The following ZNF469 variants were observed in gnomAD, a reference collection of about 807,000 sequenced individuals.
ZNF469 encodes zinc finger protein 469.
A neutral mutation model predicts 1.0 loss-of-function variants in ZNF469; 1 was observed. The observed-to-expected ratio is 1.00, with a 90% CI of 0.35 to 4.73. ZNF469 has a LOEUF of 4.73. Among genes scored for constraint, ZNF469 ranks in the 30% most tolerant of loss-of-function variants. The pLI is 0.16. For synonymous variants in ZNF469, 2,703 were observed against 2,363.4 expected (o/e 1.14, Z -4.17); for missense variants, 6,100 against 5,356.3 (o/e 1.14, Z -4.33).
At chr16:88,247,352 ATGAG>A in the ZNF469 span, among the ~76,000 whole-genome samples, 5 of 121,426 alleles carry the variant, frequency 4.1e-5, no homozygotes, top group South Asian at 3.1e-4. Context: ...GAGTGAGTGA[ATGAG>A]TGAGTGAATG....
the ZNF469 span, among the ~76,000 whole-genome samples, chr16:88,131,633 T>C: frequency 6.6e-6 from 1 of 152,238 alleles, no homozygotes; most frequent in South Asian, 2.1e-4. Flanking sequence ...TTGGGCATCC[T>C]GTGAGGCGAG....
chr16:88,376,320 C>T, the ZNF469 span, among the ~76,000 whole-genome samples: 4 of 152,364 alleles, frequency 2.6e-5, no homozygotes, highest in East Asian at 5.8e-4. Flanking sequence ...AGGACAGTGG[C>T]GATTCGGACT....
In ZNF469 at chr16:88,439,286, G is replaced by T; in HGVS notation, c.11816G>T (p.Arg3939Ile). ...CTCCTCAGCCAGCTCTTCGGGCAGA[G>T]ACTAACTGGCTTCAAAATCCCTTTA... ...SDLLSQLFGQ[R>I]LTGFKIPLKK... Residue 3939 changes from arginine (R) to isoleucine (I), a missense_variant, in exon 3 of 3, where the codon AGA becomes ATA. Arg to Ile is a moderately conservative substitution (Grantham distance 97). Coordinates refer to ENST00000565624, the MANE Select transcript of ZNF469 (RefSeq NM_001367624.2). 1.3e-6 allele frequency: 2 copies of T among 1,550,460 alleles called. No homozygotes were observed. Among genetic ancestry groups the T allele is most frequent in the Non-Finnish European group, 1.7e-6 (2 of 1,147,006 alleles).
chr16:88,254,541 C>T, the ZNF469 span, among the ~76,000 whole-genome samples: 3 of 152,136 alleles, frequency 2.0e-5, no homozygotes, highest in East Asian at 1.9e-4. Flanking sequence ...GCAGATCACT[C>T]GAGGTCAGGA....
At chr16:88,256,480 A>T in the ZNF469 span, among the ~76,000 whole-genome samples, 1 of 152,334 alleles carries the variant, frequency 6.6e-6, no homozygotes, top group South Asian at 2.1e-4. Flanking sequence ...GTGCTCCCAC[A>T]TTTTGGCCAC....
the ZNF469 span, among the ~76,000 whole-genome samples, chr16:88,224,070 G>A: frequency 7.9e-5 from 12 of 152,318 alleles, no homozygotes; most frequent in South Asian, 2.5e-3. Flanking sequence ...TTGAAAATAA[G>A]ATAAAATAAA....
the ZNF469 span, among the ~76,000 whole-genome samples, chr16:88,239,900 T>A: frequency 6.8e-6 from 1 of 147,280 alleles, no homozygotes; most frequent in East Asian, 2.0e-4. Context: ...TTATCTTGCA[T>A]GCCCAGAAAT....
the ZNF469 span, among the ~76,000 whole-genome samples, chr16:88,201,308 CT>C: frequency 1.3e-5 from 2 of 152,200 alleles, no homozygotes; most frequent in Non-Finnish European, 2.9e-5. The surrounding 1 kb of genome is among the most constrained non-coding windows in gnomAD (Gnocchi z 5.0). Context: ...AATCCCAGCA[CT>C]TTAAAAAGGT....
the ZNF469 span, among the ~76,000 whole-genome samples, chr16:88,222,740 A>G: frequency 4.7e-5 from 7 of 150,086 alleles, no homozygotes; most frequent in African/African-American, 1.7e-4. Flanking sequence ...CTGGGCAACA[A>G]GAGCGAGACT....
In ZNF469 at chr16:88,439,345, A is replaced by G; in HGVS notation, c.*13A>G. 1 of 1,550,150 alleles carries G rather than the reference A, an allele frequency of 6.5e-7. No individual in the cohort carries two copies. Among genetic ancestry groups the G allele is most frequent in the Non-Finnish European group, 8.7e-7 (1 of 1,146,938 alleles). On this transcript the variant is annotated 3_prime_UTR_variant, in exon 3 of 3. Transcript: ENST00000565624. ...TGCTTCCGAGTAATTTCTAGGAGCA[A>G]GAGCCTGGGACCGGAGCTGGGCGTT... is the stretch of plus-strand genomic sequence containing the variant.
At chr16:88,223,248 G>A in the ZNF469 span, among the ~76,000 whole-genome samples, 4 of 152,168 alleles carry the variant, frequency 2.6e-5, no homozygotes, top group African/African-American at 4.8e-5. Flanking sequence ...TTCTGTTCTC[G>A]TGGCAGTGAA....
chr16:88,249,557 C>T, the ZNF469 span, among the ~76,000 whole-genome samples: 3 of 151,016 alleles, frequency 2.0e-5, no homozygotes, highest in African/African-American at 4.9e-5. Context: ...CTGCCTCAGC[C>T]TCCAAAGTAG....
chr16:88,316,545 CTTTTT>C, the ZNF469 span, among the ~76,000 whole-genome samples: 1 of 101,006 alleles, frequency 9.9e-6, no homozygotes, highest in Non-Finnish European at 1.8e-5. Context: ...TAGGTGCTGT[CTTTTT>C]TTTTTTTTTT....
chr16:88,247,646 ATGAG>A, the ZNF469 span, among the ~76,000 whole-genome samples: 859 of 150,392 alleles, frequency 5.7e-3, 12 homozygotes, highest in African/African-American at 0.02. Flanking sequence ...GAATGAGTGG[ATGAG>A]TGAGTGAGTG....
chr16:88,406,106 C>G (rs1905021707), intron 1 of ZNF469, among the ~76,000 whole-genome samples: 1 of 152,254 alleles, frequency 6.6e-6, no homozygotes, highest in Non-Finnish European at 1.5e-5. Context: ...GACCACGCCA[C>G]CACGAGCCAC....
the ZNF469 span, among the ~76,000 whole-genome samples, chr16:88,204,206 T>G: frequency 1.4e-5 from 2 of 147,042 alleles, no homozygotes; most frequent in African/African-American, 2.6e-5. Context: ...CGTAACCTCA[T>G]AGAGAAGCGG....
chr16:88,196,828 G>A, the ZNF469 span, among the ~76,000 whole-genome samples: 30,617 of 152,186 alleles, frequency 0.2, 3,757 homozygotes, highest in Middle Eastern at 0.32. Context: ...TGTTTTGTCC[G>A]ATGCCAAAGC....
chr16:88,249,429 C>CTTTTTTTTTTTTTTTTT, the ZNF469 span, among the ~76,000 whole-genome samples: 1 of 63,612 alleles, frequency 1.6e-5, no homozygotes, highest in Non-Finnish European at 2.5e-5. Flanking sequence ...TTTTCTTTTT[C>CTTTTTTTTTTTTTTTTT]TTTTTTTTTT....
the ZNF469 span, among the ~76,000 whole-genome samples, chr16:88,350,075 C>G: frequency 2.6e-5 from 4 of 152,170 alleles, no homozygotes; most frequent in Admixed American, 2.0e-4. Context: ...TGGCCCAGCC[C>G]GGCAGGCACG....
Sources: allele counts gnomAD v4.1 joint callset (sites outside exome capture counted in the v4.1 genomes callset), GRCh38; gene constraint gnomAD v4.1.1; non-coding constraint Gnocchi (gnomAD v3.1); transcripts MANE v1.5; gene names NCBI Gene and HGNC (gene_info 2026-07-23, HGNC 2026-07-21).